Variants in NCOA2 observed in about 807,000 individuals in gnomAD.
NCOA2 encodes the protein class E basic helix-loop-helix protein 75.
In NCOA2, 21 loss-of-function variants were observed where a neutral mutation model predicts 145.1. The ratio of observed to expected loss-of-function variants is 0.14; its 90% CI spans 0.10 to 0.21. The LOEUF (loss-of-function observed/expected upper bound fraction) is 0.21. Ranked by LOEUF, NCOA2 falls within the 10% of genes least tolerant of loss-of-function variation. NCOA2 has a pLI of 1.00. For missense variants in NCOA2, 1,472 were observed against 1,837.6 expected, an observed-to-expected ratio of 0.80 and a Z score of 3.64; for synonymous variants, 619 against 637.5, an observed-to-expected ratio of 0.97 and a Z score of 0.44.
intron 2 of NCOA2, among the ~76,000 whole-genome samples, chr8:70,237,152 T>C (rs1380091134): frequency 6.6e-6 from 1 of 152,248 alleles, no homozygotes; most frequent in Non-Finnish European, 1.5e-5. Flanking sequence ...ATATTTACTA[T>C]GGTATAGTAG....
intron 2 of NCOA2, among the ~76,000 whole-genome samples, chr8:70,236,061 C>A (rs1465518452): frequency 6.6e-6 from 1 of 152,074 alleles, no homozygotes; most frequent in East Asian, 1.9e-4. Context: ...TATTCCCCGC[C>A]CCCAAAATGC....
At chr8:70,349,054 A>C (rs931283679) in intron 1 of NCOA2, among the ~76,000 whole-genome samples, 2 of 152,070 alleles carry the variant, frequency 1.3e-5, no homozygotes, top group Non-Finnish European at 2.9e-5. Flanking sequence ...CAATGGACAC[A>C]GAGAAGACTG....
chr8:70,321,623 T>G (rs974962624), intron 1 of NCOA2, among the ~76,000 whole-genome samples: 1 of 152,144 alleles, frequency 6.6e-6, no homozygotes, highest in Admixed American at 6.5e-5. Flanking sequence ...ACAGAGGAAG[T>G]AGACTTACTA....
At chr8:70,186,079 A>T (rs939986965) in intron 4 of NCOA2, among the ~76,000 whole-genome samples, 4 of 149,368 alleles carry the variant, frequency 2.7e-5, no homozygotes, top group Non-Finnish European at 3.0e-5. Flanking sequence ...ACACTCTCTC[A>T]CTCTCTCTCT....
At chr8:70,122,131 G>A (rs1807887665) in intron 21 of NCOA2, among the ~76,000 whole-genome samples, 1 of 152,130 alleles carries the variant, frequency 6.6e-6, no homozygotes, top group African/African-American at 2.4e-5. Context: ...CCCTTACTTT[G>A]TACGCTTTTC....
chr8:70,319,340 G>A (rs537407344), intron 1 of NCOA2, among the ~76,000 whole-genome samples: 3 of 151,916 alleles, frequency 2.0e-5, no homozygotes, highest in Admixed American at 6.6e-5. Flanking sequence ...CCAAGGGTTC[G>A]ACACCAGCCT....
chr8:70,119,166 T>C (rs1807482855), intron 22 of NCOA2, among the ~76,000 whole-genome samples: 2 of 145,684 alleles, frequency 1.4e-5, no homozygotes, highest in African/African-American at 2.6e-5. Context: ...ATTCCAACTG[T>C]ATGTCTGTAA....
upstream of NCOA2, among the ~76,000 whole-genome samples, chr8:70,406,494 A>C (rs1814783180): frequency 6.6e-6 from 1 of 152,210 alleles, no homozygotes; most frequent in Non-Finnish European, 1.5e-5. Flanking sequence ...AACTAGGTAT[A>C]TTACCAAGAG....
intron 1 of NCOA2, among the ~76,000 whole-genome samples, chr8:70,386,217 T>G (rs1163036221): frequency 6.6e-6 from 1 of 152,226 alleles, no homozygotes; most frequent in Non-Finnish European, 1.5e-5. Flanking sequence ...TCTAGATGCA[T>G]CCATACTTTT....
At chr8:70,372,556 A>G (rs1027915135) in intron 1 of NCOA2, among the ~76,000 whole-genome samples, 7 of 152,206 alleles carry the variant, frequency 4.6e-5, no homozygotes, top group African/African-American at 1.4e-4. Flanking sequence ...GTGGCTAGGA[A>G]GTAGGGGAAC....
chr8:70,229,905 TCTGA>T (rs1820985921), intron 2 of NCOA2, among the ~76,000 whole-genome samples: 2 of 152,140 alleles, frequency 1.3e-5, no homozygotes, highest in African/African-American at 2.4e-5. Context: ...TGACCTGAAA[TCTGA>T]CTAACACATA....
At chr8:70,405,437 GTTTTTTTTTTTTTTTT>G (rs34814735), upstream of NCOA2, among the ~76,000 whole-genome samples, 27 of 59,366 alleles carry the variant, frequency 4.5e-4, 1 homozygote, top group Non-Finnish European at 3.8e-4. Context: ...ATTTTTAAAG[GTTTTTTTTTTTTTTTT>G]TTTTTTTTTT....
intron 7 of NCOA2, among the ~76,000 whole-genome samples, chr8:70,165,991 T>A (rs1353535677): frequency 6.6e-6 from 1 of 152,140 alleles, no homozygotes; most frequent in African/African-American, 2.4e-5. Flanking sequence ...GCCCGGCTAC[T>A]TTTTGTACTT....
chr8:70,334,848 G>C lies in NCOA2; in HGVS notation c.-76-38048C>G, dbSNP rs570262487. 6.6e-5 allele frequency among the ~76,000 whole-genome samples: 10 copies of C among 152,164 alleles called. No homozygotes were observed. The South Asian group carries it at 2.1e-3, about 32-fold the overall frequency. ...TGGTCAGATTCTCTCTCCTTGGCTG[G>C]GCGCAGTGGCATGTGCCTGTGATCT... On this transcript the variant is annotated intron_variant, in intron 1 of 22. Transcript: ENST00000452400.
intron 2 of NCOA2, among the ~76,000 whole-genome samples, chr8:70,284,900 A>G (rs979656065): frequency 5.9e-5 from 9 of 152,168 alleles, no homozygotes; most frequent in Non-Finnish European, 7.3e-5. Context: ...CAAAAACCAC[A>G]TACTAGAAAA....
At chr8:70,288,667 G>A (rs1244570073) in intron 2 of NCOA2, among the ~76,000 whole-genome samples, 3 of 151,590 alleles carry the variant, frequency 2.0e-5, no homozygotes, top group African/African-American at 7.3e-5. Context: ...CGGTTTAAAG[G>A]AACATGCTTC....
At chr8:70,342,032 C>T (rs1808186891) in intron 1 of NCOA2, among the ~76,000 whole-genome samples, 1 of 152,072 alleles carries the variant, frequency 6.6e-6, no homozygotes, top group Non-Finnish European at 1.5e-5. Flanking sequence ...TTAAAAAATG[C>T]TGCTAGGATT....
chr8:70,173,842 A>G (rs892570967), intron 5 of NCOA2, among the ~76,000 whole-genome samples: 1 of 152,088 alleles, frequency 6.6e-6, no homozygotes, highest in African/African-American at 2.4e-5. Flanking sequence ...AATCCCTTTA[A>G]GCATCAACTG....
intron 1 of NCOA2, among the ~76,000 whole-genome samples, chr8:70,397,198 C>T (rs912579921): frequency 6.6e-6 from 1 of 152,146 alleles, no homozygotes; most frequent in African/African-American, 2.4e-5. Context: ...ATAGCTCATG[C>T]CTGTAATCTT....
Sources: allele counts gnomAD v4.1 joint callset (sites outside exome capture counted in the v4.1 genomes callset), GRCh38; gene constraint gnomAD v4.1.1; transcripts MANE v1.5; gene names NCBI Gene and HGNC (gene_info 2026-07-23, HGNC 2026-07-21).